SLC25A20: variants seen among roughly 807,000 people sequenced by gnomAD.
SLC25A20 encodes solute carrier family 25 member 20.
Under a neutral mutation model 39.7 loss-of-function variants are expected in SLC25A20, and 29 were observed. The ratio of observed to expected loss-of-function variants is 0.73; its 90% confidence interval spans 0.54 to 1.00. SLC25A20 has a LOEUF of 1.00. SLC25A20 is among the 50% of genes least tolerant of loss of function. SLC25A20 has a pLI of 0.00. For missense variants in SLC25A20, 333 were observed against 379.9 expected (o/e 0.88, Z 1.03); for synonymous variants, 103 against 142.2 (o/e 0.72, Z 1.96).
At chr3:48,895,908 G>C (rs1559673372) in intron 1 of SLC25A20, 1 of 398,548 alleles carries the variant, frequency 2.5e-6, no homozygotes, top group Non-Finnish European at 5.1e-6. Flanking sequence ...AGGAGGCCAA[G>C]GCCGGAGGAT....
At chr3:48,861,967 G>T (rs1002901609) in intron 5 of SLC25A20, among the ~76,000 whole-genome samples, 1 of 152,190 alleles carries the variant, frequency 6.6e-6, no homozygotes, top group Non-Finnish European at 1.5e-5. Flanking sequence ...GGCAGAGGTT[G>T]CAGTAAGCCA....
chr3:48,880,572 G>A (rs867007862), intron 3 of SLC25A20, among the ~76,000 whole-genome samples: 8 of 126,954 alleles, frequency 6.3e-5, no homozygotes, highest in Non-Finnish European at 9.6e-5. Context: ...CACTGTGCCC[G>A]GCTTTTTTTT....
intron 2 of SLC25A20, among the ~76,000 whole-genome samples, chr3:48,887,706 G>A (rs954302158): frequency 1.3e-4 from 19 of 151,984 alleles, no homozygotes; most frequent in African/African-American, 3.1e-4. Flanking sequence ...GTTCAAGACC[G>A]GCCTGGCCAA....
intron 4 of SLC25A20, among the ~76,000 whole-genome samples, chr3:48,869,405 T>C (rs929404978): frequency 6.6e-6 from 1 of 152,102 alleles, no homozygotes; most frequent in Non-Finnish European, 1.5e-5. Flanking sequence ...CCCAGCACTT[T>C]GGGAGGCGAA....
In SLC25A20 at chr3:48,898,879, T is replaced by G. The variant is rs750578981; in HGVS notation, c.-85A>C. ...AGCTGCAGTGCCGGCGCCGCCGACC[T>G]TTCACCCACTTTTGGGTGGGCGGGG... is the stretch of plus-strand genomic sequence containing the variant. On this transcript the variant is annotated 5_prime_UTR_variant, in exon 1 of 9. Transcript: ENST00000319017. 1.7e-5 allele frequency: 24 copies of G among 1,372,094 alleles called. No individual in the cohort carries two copies. The highest frequency in any genetic ancestry group is 2.3e-5 in the Non-Finnish European group (23 of 985,174). The allele number at this position is 1,372,094 out of a possible 1,614,324, so 85.0% of individuals were successfully genotyped here. A position where few individuals can be genotyped will look rare whatever the true frequency, so the allele number is the denominator to read the frequency against.
chr3:48,880,180 A>T (rs1409128196), intron 3 of SLC25A20, among the ~76,000 whole-genome samples: 1 of 152,130 alleles, frequency 6.6e-6, no homozygotes, highest in Non-Finnish European at 1.5e-5. Flanking sequence ...AGAATGAACA[A>T]CCCTGAGTAT....
chr3:48,875,187 T>A (rs929772540), intron 4 of SLC25A20, among the ~76,000 whole-genome samples: 1 of 151,832 alleles, frequency 6.6e-6, no homozygotes, highest in Non-Finnish European at 1.5e-5. Flanking sequence ...CACTGCAACC[T>A]TCACCTCCCG....
Position 48,898,868 on chromosome 3 carries a change from C to A in SLC25A20, c.-74G>T, listed in dbSNP as rs1425667055. On this transcript the variant is annotated 5_prime_UTR_variant, in exon 1 of 9. Transcript: ENST00000319017. ...TTCTCAGCCCCAGCTGCAGTGCCGG[C>A]GCCGCCGACCTTTCACCCACTTTTG... 7.0e-7 allele frequency: 1 copy of A among 1,436,732 alleles called. No individual in the cohort carries two copies. 89.0% of individuals were successfully genotyped at this position (1,436,732 alleles called of 1,614,324 possible). A position where few individuals can be genotyped will look rare whatever the true frequency, so the allele number is the denominator to read the frequency against.
intron 4 of SLC25A20, among the ~76,000 whole-genome samples, chr3:48,874,303 A>G (rs374466511): frequency 3.3e-4 from 50 of 152,156 alleles, no homozygotes; most frequent in East Asian, 2.9e-3. Flanking sequence ...AAATAAATAA[A>G]TAAAAATAAA....
At chr3:48,897,066 T>A (rs1216470288) in intron 1 of SLC25A20, among the ~76,000 whole-genome samples, 2 of 143,382 alleles carry the variant, frequency 1.4e-5, no homozygotes, top group Non-Finnish European at 3.0e-5. Context: ...TTCTTTTTTT[T>A]CTTCTTCTCC....
intron 1 of SLC25A20, among the ~76,000 whole-genome samples, chr3:48,898,023 C>T (rs1212724648): frequency 6.6e-6 from 1 of 152,212 alleles, no homozygotes; most frequent in East Asian, 1.9e-4. Context: ...AAGCCTCAGT[C>T]TGACCATAGC....
intron 5 of SLC25A20, among the ~76,000 whole-genome samples, chr3:48,861,739 T>G (rs2083629550): frequency 6.6e-6 from 1 of 150,592 alleles, no homozygotes; most frequent in African/African-American, 2.5e-5. Flanking sequence ...AAAATAATAA[T>G]AATAAGGCCG....
chr3:48,863,277 C>T (rs188898711), intron 4 of SLC25A20, among the ~76,000 whole-genome samples: 7 of 152,334 alleles, frequency 4.6e-5, no homozygotes, highest in Non-Finnish European at 1.0e-4. Context: ...GCGACAAATA[C>T]TTTAGTCATT....
chr3:48,857,872 C>CT, intron 8 of SLC25A20, 100 bp from the exon 9 acceptor site: 1 of 1,008,048 alleles, frequency 9.9e-7, no homozygotes, highest in Non-Finnish European at 1.5e-6. Flanking sequence ...ACCAGAGCCC[C>CT]TCCCTAACCC....
rs372777855 is a variant in SLC25A20, at chr3:48,898,188, C to G, written c.105+502G>C. On this transcript the variant is annotated intron_variant, in intron 1 of 8. Coordinates refer to ENST00000319017, the MANE Select transcript of SLC25A20 (RefSeq NM_000387.6). ...AGCAGGCCACCGTTGGGTGACAGGC[C>G]GAAGAGTGTCAAGTATCTCCCCGGG... is the stretch of plus-strand genomic sequence containing the variant. 1.6e-4 allele frequency among the ~76,000 whole-genome samples: 25 copies of G among 152,218 alleles called. No individual in the cohort carries two copies. The East Asian group carries it at 2.5e-3, about 15-fold the overall frequency.
chr3:48,857,791 G>A lies in SLC25A20; in HGVS notation c.844-19C>T, dbSNP rs1057522215. On this transcript the variant is annotated intron_variant, in intron 8 of 8. Coordinates refer to ENST00000319017, the MANE Select transcript of SLC25A20 (RefSeq NM_000387.6). ...AACAGGCCTAAGAAGGGATTGGGAGGAAGAAAAAAGCCAGCAGGAATAACT... is the reference window on the plus strand; with the variant it reads ...AACAGGCCTAAGAAGGGATTGGGAGAAAGAAAAAAGCCAGCAGGAATAACT... 5.6e-6 allele frequency: 9 copies of A among 1,610,986 alleles called. No homozygotes were observed. The Admixed American group carries it at 8.4e-5, about 15-fold the overall frequency.
intron 4 of SLC25A20, among the ~76,000 whole-genome samples, chr3:48,865,405 C>T (rs1209294801): frequency 1.3e-5 from 2 of 150,900 alleles, no homozygotes; most frequent in Admixed American, 6.6e-5. Context: ...GGATTACAGG[C>T]GTGAGCCACA....
intron 7 of SLC25A20, among the ~76,000 whole-genome samples, 153 bp downstream of exon 7, chr3:48,858,939 G>A (rs770735481): frequency 1.3e-5 from 2 of 152,160 alleles, no homozygotes; most frequent in Non-Finnish European, 2.9e-5. Context: ...TTCCTAGAAT[G>A]CAAATGACTG....
chr3:48,862,968 G>A (rs577732840), intron 4 of SLC25A20, among the ~76,000 whole-genome samples: 2 of 152,280 alleles, frequency 1.3e-5, no homozygotes, highest in East Asian at 3.9e-4. Flanking sequence ...GAGGCAGGCA[G>A]GTCGCCTGAG....
Sources: allele counts gnomAD v4.1 joint callset (sites outside exome capture counted in the v4.1 genomes callset), GRCh38; gene constraint gnomAD v4.1.1; transcripts MANE v1.5; gene names NCBI Gene and HGNC (gene_info 2026-07-23, HGNC 2026-07-21).